ARL3: variants seen among roughly 807,000 people sequenced by gnomAD.
ARL3 encodes ADP-ribosylation factor-like protein 3.
Under a neutral mutation model 26.0 loss-of-function variants are expected in ARL3, and 9 were observed. That is an observed-to-expected ratio of 0.35 (90% CI 0.21 to 0.60). ARL3 has a LOEUF of 0.60. Ranked by LOEUF, ARL3 falls within the 20% of genes least tolerant of loss-of-function variation. ARL3 has a pLI of 0.78. For missense variants in ARL3, 158 were observed against 215.7 expected, an observed-to-expected ratio of 0.73 and a Z score of 1.67; for synonymous variants, 71 against 78.4, an observed-to-expected ratio of 0.91 and a Z score of 0.50.
At chr10:102,684,287 T>C (rs1161489353) in intron 5 of ARL3, among the ~76,000 whole-genome samples, 1 of 152,138 alleles carries the variant, frequency 6.6e-6, no homozygotes, top group Non-Finnish European at 1.5e-5. Flanking sequence ...TAGCTGGGAC[T>C]ACAGGTGCCC....
chr10:102,687,564 T>C (rs139714232), intron 4 of ARL3, among the ~76,000 whole-genome samples: 2 of 152,056 alleles, frequency 1.3e-5, no homozygotes, highest in Admixed American at 1.3e-4. Context: ...GGTGGGCACA[T>C]GTAGTCCCAA....
chr10:102,704,906 G>C (rs1454038453), intron 2 of ARL3, among the ~76,000 whole-genome samples: 1 of 152,150 alleles, frequency 6.6e-6, no homozygotes, highest in Non-Finnish European at 1.5e-5. Flanking sequence ...GCAGTGGGGT[G>C]GCCTGATGAA....
chr10:102,703,548 A>T (rs191533587), intron 2 of ARL3, among the ~76,000 whole-genome samples: 3 of 142,566 alleles, frequency 2.1e-5, no homozygotes, highest in African/African-American at 7.9e-5. Flanking sequence ...GGTTCACGCC[A>T]TTCTCCTGCC....
intron 1 of ARL3, among the ~76,000 whole-genome samples, chr10:102,713,753 C>T (rs540485811): frequency 6.6e-6 from 1 of 152,212 alleles, no homozygotes; most frequent in Admixed American, 6.5e-5. Context: ...TCCCTACCCC[C>T]CAGGGGCCCG....
At chr10:102,686,866 CTTTTTTTTTT>C (rs59400726) in intron 4 of ARL3, among the ~76,000 whole-genome samples, 1 of 59,630 alleles carries the variant, frequency 1.7e-5, no homozygotes, top group Non-Finnish European at 3.0e-5. Context: ...CAGGAATTTA[CTTTTTTTTTT>C]TTTTTTTTTT....
chr10:102,698,007 T>C (rs1473265808), intron 3 of ARL3, among the ~76,000 whole-genome samples: 1 of 152,024 alleles, frequency 6.6e-6, no homozygotes, highest in African/African-American at 2.4e-5. Context: ...AGTTTTGCTA[T>C]AAAGGGAGGC....
At position 102,676,815 on chromosome 10, in the gene ARL3, T is replaced by G; in HGVS notation, c.*79A>C. On this transcript the variant is annotated 3_prime_UTR_variant, in exon 6 of 6. Coordinates refer to ENST00000260746, the MANE Select transcript of ARL3 (RefSeq NM_004311.4). The stretch of plus-strand genomic sequence containing the variant: ...AGCTGTACACAGATGGAAAAACATT[T>G]GGTCAGAAAGCAGCAAATTAGTGTT... The G allele has an allele frequency of 6.9e-7, 1 of 1,450,462 alleles. No individual in the cohort carries two copies. The highest frequency in any genetic ancestry group is 2.3e-5 in the East Asian group (1 of 43,920). 89.8% of individuals were successfully genotyped at this position (1,450,462 alleles called of 1,614,324 possible).
chr10:102,713,454 A>G (rs904314987), intron 1 of ARL3, among the ~76,000 whole-genome samples: 2 of 152,198 alleles, frequency 1.3e-5, no homozygotes, highest in Non-Finnish European at 2.9e-5. Flanking sequence ...TGGAGAACTC[A>G]AGCTAGGATT....
intron 2 of ARL3, among the ~76,000 whole-genome samples, chr10:102,704,469 G>A (rs1303138127): frequency 3.3e-5 from 5 of 151,856 alleles, no homozygotes. Flanking sequence ...CAAAACCCTG[G>A]CTCTACAAAA....
intron 2 of ARL3, among the ~76,000 whole-genome samples, chr10:102,700,644 T>G (rs1033440076): frequency 1.3e-5 from 2 of 150,970 alleles, no homozygotes; most frequent in Admixed American, 6.6e-5. Flanking sequence ...TTTTGTATTT[T>G]TAGTAGAGAC....
At chr10:102,709,610 G>A (rs2064327448) in intron 1 of ARL3, among the ~76,000 whole-genome samples, 1 of 134,180 alleles carries the variant, frequency 7.5e-6, no homozygotes, top group Admixed American at 8.4e-5. Flanking sequence ...TCGGGCCACT[G>A]CATTATGGGC....
intron 5 of ARL3, among the ~76,000 whole-genome samples, chr10:102,679,656 C>T (rs1590118431): frequency 6.6e-6 from 1 of 152,130 alleles, no homozygotes; most frequent in Non-Finnish European, 1.5e-5. Flanking sequence ...TTGTGACTTC[C>T]GCTAAAAACA....
intron 5 of ARL3, among the ~76,000 whole-genome samples, chr10:102,681,596 C>T (rs1251948557): frequency 1.3e-5 from 2 of 152,016 alleles, no homozygotes; most frequent in Admixed American, 6.6e-5. Flanking sequence ...ATGTGACCTG[C>T]TCATGGCTCC....
Position 102,714,333 on chromosome 10 carries a change from G to A in ARL3, c.-58C>T. 2 of 1,297,380 alleles carry A rather than the reference G, an allele frequency of 1.5e-6. No homozygotes were observed. Among genetic ancestry groups the A allele is most frequent in the Non-Finnish European group, 2.0e-6 (2 of 1,014,588 alleles). The allele number at this position is 1,297,380 out of a possible 1,614,324, so 80.4% of individuals were successfully genotyped here. A position where few individuals can be genotyped will look rare whatever the true frequency, so the allele number is the denominator to read the frequency against. On this transcript the variant is annotated 5_prime_UTR_variant, in exon 1 of 6. Coordinates refer to ENST00000260746, the MANE Select transcript of ARL3 (RefSeq NM_004311.4). Reference sequence around the variant, plus strand: ...CCTGCTGCCTCCCCCGTTACCAGGGGCAACTGCTGCGGCGCCGCCCCCGAC... The same window carrying A: ...CCTGCTGCCTCCCCCGTTACCAGGGACAACTGCTGCGGCGCCGCCCCCGAC...
At chr10:102,695,219 G>T (rs1412645720) in intron 3 of ARL3, among the ~76,000 whole-genome samples, 3 of 152,098 alleles carry the variant, frequency 2.0e-5, no homozygotes, top group African/African-American at 7.2e-5. Flanking sequence ...AATCAAGTTG[G>T]GTATAACTGA....
intron 2 of ARL3, among the ~76,000 whole-genome samples, chr10:102,699,788 A>G (rs2064269175): frequency 6.6e-6 from 1 of 152,214 alleles, no homozygotes; most frequent in Admixed American, 6.5e-5. Flanking sequence ...GCTCTAATTA[A>G]CCAACACACA....
At chr10:102,713,698 A>G (rs1000322523) in intron 1 of ARL3, among the ~76,000 whole-genome samples, 3 of 152,146 alleles carry the variant, frequency 2.0e-5, no homozygotes, top group Non-Finnish European at 4.4e-5. Context: ...AAAATCCACC[A>G]GGCATCCCTT....
intron 3 of ARL3, among the ~76,000 whole-genome samples, chr10:102,696,789 A>T (rs1440634147): frequency 2.0e-5 from 3 of 152,230 alleles, no homozygotes; most frequent in Non-Finnish European, 4.4e-5. Flanking sequence ...GTTGAGTAGA[A>T]CAGGATGAAA....
chr10:102,688,283 T>C (rs553202494), intron 4 of ARL3, among the ~76,000 whole-genome samples: 1 of 152,280 alleles, frequency 6.6e-6, no homozygotes, highest in East Asian at 1.9e-4. Context: ...GATGACTACA[T>C]AGGACCCCCT....
Sources: gnomAD v4.1 joint callset for allele counts (sites outside exome capture counted in the v4.1 genomes callset) on GRCh38, gnomAD v4.1.1 for gene constraint, MANE v1.5 for transcripts, NCBI Gene and HGNC (gene_info 2026-07-23, HGNC 2026-07-21) for gene names.